CCR6: variants seen among roughly 807,000 people sequenced by gnomAD.
CCR6 encodes C-C motif chemokine receptor 6.
Under a neutral mutation model 3.0 loss-of-function variants are expected in CCR6, and 2 were observed. The observed-to-expected ratio is 0.66, with a 90% CI of 0.27 to 2.07. The LOEUF is 2.07. Among genes scored for constraint, CCR6 ranks in the 30% most tolerant of loss-of-function variants. The pLI is 0.14. For synonymous variants in CCR6, 193 were observed against 184.3 expected (o/e 1.05, Z -0.38); for missense variants, 322 against 462.8 (o/e 0.70, Z 2.79).
At chr6:167,121,506 C>G (rs1237637426), upstream of CCR6, 1 of 152,364 alleles carries the variant, frequency 6.6e-6, no homozygotes, top group Non-Finnish European at 1.5e-5. Flanking sequence ...GTTTCTTCCT[C>G]CTATGGGCAG....
intron 1 of CCR6, among the ~76,000 whole-genome samples, chr6:167,116,467 G>C (rs1030246665): frequency 2.6e-5 from 4 of 152,196 alleles, no homozygotes; most frequent in Admixed American, 6.5e-5. Flanking sequence ...CCCACAGCGC[G>C]GCAGATCCCT....
At chr6:167,132,265 G>C (rs1399986076) in intron 1 of CCR6, among the ~76,000 whole-genome samples, 1 of 152,082 alleles carries the variant, frequency 6.6e-6, no homozygotes, top group African/African-American at 2.4e-5. Flanking sequence ...AGTTTGGGAC[G>C]GTTAAGAATA....
At chr6:167,118,806 G>A (rs966073520), upstream of CCR6, among the ~76,000 whole-genome samples, 1 of 152,128 alleles carries the variant, frequency 6.6e-6, no homozygotes, top group Non-Finnish European at 1.5e-5. Flanking sequence ...CAACCCCAGG[G>A]CCCCTGGGCC....
At position 167,138,436 on chromosome 6, in the gene CCR6, G is replaced by C. The variant is rs1781883740; in HGVS notation, c.*1081G>C. The C allele has an allele frequency of 6.6e-6, 1 of 152,236 alleles. No homozygotes were observed. Among genetic ancestry groups the C allele is most frequent in the South Asian group, 2.1e-4 (1 of 4,824 alleles). 9.4% of individuals were successfully genotyped at this position (152,236 alleles called of 1,614,324 possible). ...TTTTGTTATGAGGAGCTGCAGATTA[G>C]CTAGGGGACAGCTGGAATTATGCTG... On this transcript the variant is annotated 3_prime_UTR_variant, in exon 3 of 3. Coordinates refer to ENST00000341935, the MANE Select transcript of CCR6 (RefSeq NM_031409.4).
intron 1 of CCR6, among the ~76,000 whole-genome samples, chr6:167,112,173 A>G (rs1439879271): frequency 1.3e-5 from 2 of 152,246 alleles, no homozygotes; most frequent in Non-Finnish European, 2.9e-5. Flanking sequence ...GTCATCCCAA[A>G]AAGAAAGAAG....
chr6:167,125,201 A>G (rs1781652505), intron 1 of CCR6, among the ~76,000 whole-genome samples: 1 of 152,262 alleles, frequency 6.6e-6, no homozygotes, highest in African/African-American at 2.4e-5. Flanking sequence ...GCACAAATTT[A>G]AAACTGTCTG....
chr6:167,124,311 CG>C (rs1460854380), intron 1 of CCR6, among the ~76,000 whole-genome samples: 1 of 148,996 alleles, frequency 6.7e-6, no homozygotes, highest in Non-Finnish European at 1.5e-5. Flanking sequence ...AACAAATCAC[CG>C]GGGGAAAACA....
Position 167,136,353 on chromosome 6 carries a change from C to G in CCR6, c.123C>G (p.Val41=), listed in dbSNP as rs372714474. 2 of 1,614,080 alleles carry G rather than the reference C, an allele frequency of 1.2e-6. No homozygotes were observed. Among genetic ancestry groups the G allele is most frequent in the Non-Finnish European group, 1.7e-6 (2 of 1,180,028 alleles). The change falls in exon 3 of 3, where the codon GTC becomes GTG. Residue 41 remains valine, a synonymous_variant. Transcript: ENST00000341935. This position sits in a 1 kb window ranked among gnomAD's most constrained non-coding sequence, Gnocchi z 4.6. The stretch of plus-strand genomic sequence containing the variant: ...TGTTACTGTGCTCCTTGCAGGAGGT[C>G]AGGCAGTTCTCCAGGCTATTTGTAC... ...SEMLLCSLQE[V]RQFSRLFVPI... is the part of the protein sequence containing the mutation.
At chr6:167,116,447 CT>C (rs1781494879) in intron 1 of CCR6, among the ~76,000 whole-genome samples, 1 of 152,214 alleles carries the variant, frequency 6.6e-6, no homozygotes, top group Non-Finnish European at 1.5e-5. Flanking sequence ...CTCTGAGGCC[CT>C]CCTCTCAGCC....
At position 167,139,015 on chromosome 6, in the gene CCR6, A is replaced by C. The variant is rs1185866761; in HGVS notation, c.*1660A>C. The stretch of plus-strand genomic sequence containing the variant: ...TGACAATGGTGTTATTTGAAACTTT[A>C]TATTGTTCTTGTAAGCTTTAACTAT... On this transcript the variant is annotated 3_prime_UTR_variant, in exon 3 of 3. Coordinates refer to ENST00000341935, the MANE Select transcript of CCR6 (RefSeq NM_031409.4). 1 of 151,738 alleles carries C rather than the reference A, an allele frequency of 6.6e-6. No individual in the cohort carries two copies. 9.4% of individuals were successfully genotyped at this position (151,738 alleles called of 1,614,324 possible).
chr6:167,117,100 C>T (rs1781505881), intron 1 of CCR6: 1 of 152,296 alleles, frequency 6.6e-6, no homozygotes, highest in African/African-American at 2.4e-5. Flanking sequence ...GAGCACAAAG[C>T]CTCCTTAGAA....
intron 1 of CCR6, among the ~76,000 whole-genome samples, chr6:167,132,955 C>T (rs551368966): frequency 6.6e-6 from 1 of 152,138 alleles, no homozygotes; most frequent in Non-Finnish European, 1.5e-5. Flanking sequence ...TCACATTTCC[C>T]CCTGTTTCTT....
chr6:167,132,424 T>A (rs952252198), intron 1 of CCR6, among the ~76,000 whole-genome samples: 7 of 152,160 alleles, frequency 4.6e-5, no homozygotes, highest in African/African-American at 1.2e-4. Context: ...GATCTTGCAG[T>A]CCCACCAACA....
intron 1 of CCR6, among the ~76,000 whole-genome samples, chr6:167,133,982 C>CA (rs1399835086): frequency 3.8e-4 from 36 of 95,552 alleles, no homozygotes; most frequent in Admixed American, 3.5e-3. Context: ...TTTTAACATC[C>CA]AAATGGTAAT....
In CCR6 at chr6:167,137,570, G is replaced by A. The variant is rs1781869299; in HGVS notation, c.*215G>A. 3 of 522,146 alleles carry A rather than the reference G, an allele frequency of 5.7e-6. No individual in the cohort carries two copies. Among genetic ancestry groups the A allele is most frequent in the African/African-American group, 1.9e-5 (1 of 52,660 alleles). 32.3% of individuals were successfully genotyped at this position (522,146 alleles called of 1,614,324 possible). ...CATTTTCCAGCACTTTGCAAGGAAT[G>A]TTTTGTAGCTCTAGGGTATATATCC... is the stretch of plus-strand genomic sequence containing the variant. On this transcript the variant is annotated 3_prime_UTR_variant, in exon 3 of 3. Coordinates refer to ENST00000341935, the MANE Select transcript of CCR6 (RefSeq NM_031409.4). The surrounding 1 kb of genome is among the most constrained non-coding windows in gnomAD (Gnocchi z 4.6).
intron 1 of CCR6, chr6:167,116,168 G>A (rs915317358): frequency 6.6e-6 from 1 of 152,274 alleles, no homozygotes; most frequent in East Asian, 1.9e-4. Context: ...CCAACTGCAA[G>A]AAGAGATCAC....
chr6:167,114,603 G>T (rs1582988886), intron 1 of CCR6, among the ~76,000 whole-genome samples: 1 of 152,226 alleles, frequency 6.6e-6, no homozygotes, highest in East Asian at 1.9e-4. Flanking sequence ...GATGAGCAGG[G>T]CCCCCTTCTC....
chr6:167,114,886 A>T lies in CCR6; in HGVS notation c.-98+2872A>T, dbSNP rs188719675. The T allele has an allele frequency of 7.2e-5, 11 of 152,316 alleles. No individual in the cohort carries two copies. In the East Asian group the frequency reaches 1.9e-3, roughly 27 times the overall value. The allele number at this position is 152,316 out of a possible 1,614,324, so 9.4% of individuals were successfully genotyped here. On this transcript the variant is annotated intron_variant, in intron 1 of 2. Coordinates refer to the CCR6 transcript ENST00000400926. Reference sequence around the variant, plus strand: ...ACAGATCCAAGGGAGGAGGTTTTAGACACATAAATCTGTGTGATTATCCAA... The same window carrying T: ...ACAGATCCAAGGGAGGAGGTTTTAGTCACATAAATCTGTGTGATTATCCAA...
chr6:167,131,824 T>G (rs1781771804), intron 1 of CCR6, among the ~76,000 whole-genome samples: 1 of 152,224 alleles, frequency 6.6e-6, no homozygotes, highest in Non-Finnish European at 1.5e-5. Flanking sequence ...CAGGTACTTT[T>G]AAATTAACTT....
Sources: gnomAD v4.1 joint callset for allele counts (sites outside exome capture counted in the v4.1 genomes callset) on GRCh38, gnomAD v4.1.1 for gene constraint, Gnocchi (gnomAD v3.1) non-coding constraint, MANE v1.5 for transcripts, NCBI Gene and HGNC (gene_info 2026-07-23, HGNC 2026-07-21) for gene names.